Variants in FDX2 observed in about 807,000 individuals in gnomAD.
FDX2 encodes ferredoxin 2, also known as ferredoxin-2, mitochondrial.
A neutral mutation model predicts 18.5 loss-of-function variants in FDX2; 13 were observed. That is an observed-to-expected ratio of 0.70 (90% CI 0.46 to 1.12). The LOEUF (loss-of-function observed/expected upper bound fraction) is 1.12, where lower values mean the gene tolerates loss of function less well. Among genes scored for constraint, FDX2 ranks in the 50% most tolerant of loss-of-function variants. The pLI is 0.00. For missense variants in FDX2, 238 were observed against 250.4 expected (o/e 0.95, Z 0.34); for synonymous variants, 132 against 106.2 (o/e 1.24, Z -1.49).
chr19:10,312,172 A>ATTTTTTTT (rs60538704), intron 3 of FDX2, among the ~76,000 whole-genome samples: 5 of 82,522 alleles, frequency 6.1e-5, no homozygotes, highest in Non-Finnish European at 1.1e-4. Flanking sequence ...ACCTGGCCAT[A>ATTTTTTTT]TTTTTTTTTT....
chr19:10,310,831 T>C, intron 4 of FDX2, 22 bp downstream of exon 4: 1 of 1,610,526 alleles, frequency 6.2e-7, no homozygotes, highest in East Asian at 2.2e-5. Flanking sequence ...AGCTGCCAGC[T>C]AGACAGGGCT....
chr19:10,315,995 ATGACAT>A lies in FDX2; in HGVS notation c.5_10del (p.His2_Met4delinsLeu). ...GCCTCCCCGGGCCATGGAGGCGGCC[ATGACAT>A]GCATCACGTGACTCACCGACTGAGC... On this transcript the variant is annotated inframe_deletion, in exon 1 of 5. Coordinates refer to ENST00000393708, the MANE Select transcript of FDX2 (RefSeq NM_001031734.4). The A allele has an allele frequency of 6.2e-7, 1 of 1,602,468 alleles. No individual in the cohort carries two copies. The highest frequency in any genetic ancestry group is 1.1e-5 in the South Asian group (1 of 89,566).
rs199577076 is a variant in FDX2, at chr19:10,315,680, G to A, written c.209+25C>T. 60 of 1,545,122 alleles carry A rather than the reference G, an allele frequency of 3.9e-5. No homozygotes were observed. The African/African-American group carries it at 7.1e-4, about 18-fold the overall frequency. On this transcript the variant is annotated intron_variant, in intron 2 of 4. Transcript: ENST00000393708. The stretch of plus-strand genomic sequence containing the variant: ...AGAGGAATTCCGTGGGATGAGGAAT[G>A]GGGGACTTGGCCCCCTGCACTCACA...
At position 10,310,272 on chromosome 19, in the gene FDX2, A is replaced by T. The variant is rs2040309085; in HGVS notation, c.*214T>A. On this transcript the variant is annotated 3_prime_UTR_variant, in exon 5 of 5. Coordinates refer to ENST00000393708, the MANE Select transcript of FDX2 (RefSeq NM_001031734.4). The stretch of plus-strand genomic sequence containing the variant: ...TGAGTCCACTCCTACTCAAACCCTG[A>T]TTCTCAGGGGCCTGGGGAAGGCCAC... 4.9e-6 allele frequency: 3 copies of T among 616,838 alleles called. No individual in the cohort carries two copies. The highest frequency in any genetic ancestry group is 3.0e-5 in the Admixed American group (1 of 33,636). The allele number at this position is 616,838 out of a possible 1,614,324, so 38.2% of individuals were successfully genotyped here. A position where few individuals can be genotyped will look rare whatever the true frequency, so the allele number is the denominator to read the frequency against.
Position 10,315,890 on chromosome 19 carries a change from C to G in FDX2, c.116G>C (p.Gly39Ala). ...CTTTCTGGTTGTCCCCAGCGCCACC[C>G]CCTCCCCCGACCCGGAAGTGCCCCC... The change falls in exon 1 of 5, where the codon GGG becomes GCG. Residue 39 changes from glycine to alanine, a missense_variant. Gly to Ala is a moderately conservative substitution (Grantham distance 60, BLOSUM62 0). Transcript: ENST00000393708. 1 of 1,601,310 alleles carries G rather than the reference C, an allele frequency of 6.2e-7. No homozygotes were observed. The highest frequency in any genetic ancestry group is 8.5e-7 in the Non-Finnish European group (1 of 1,175,034).
At chr19:10,313,671 ATTTTTTTTTTTTTTTTTTTTTT>A (rs1198833749) in intron 3 of FDX2, among the ~76,000 whole-genome samples, 1 of 45,396 alleles carries the variant, frequency 2.2e-5, no homozygotes, top group Non-Finnish European at 3.5e-5. Flanking sequence ...ATATATATAT[ATTTTTTTTTTTTTTTTTTTTTT>A]TTTTTTTTTT....
At chr19:10,315,336 TTTG>T in intron 3 of FDX2, 47 bp downstream of exon 3, 6 of 1,064,284 alleles carry the variant, frequency 5.6e-6, no homozygotes, top group East Asian at 2.7e-5. Flanking sequence ...TTTTTTTTTT[TTTG>T]GACAAATGTA....
In FDX2 at chr19:10,315,714, G is replaced by C; in HGVS notation, c.200C>G (p.Pro67Arg). Reference sequence around the variant, plus strand: ...GGCCCCCTGCACTCACACGTCCCCGGGCCGCTCCGGGCCGCCCGCGTCCTC... The same window carrying C: ...GGCCCCCTGCACTCACACGTCCCCGCGCCGCTCCGGGCCGCCCGCGTCCTC... Residue 67 changes from proline (P) to arginine (R), a missense_variant, in exon 2 of 5, where the codon CCC becomes CGC. Coordinates refer to ENST00000393708, the MANE Select transcript of FDX2 (RefSeq NM_001031734.4). The C allele has an allele frequency of 6.4e-7, 1 of 1,551,914 alleles. No individual in the cohort carries two copies. Among genetic ancestry groups the C allele is most frequent in the Non-Finnish European group, 8.7e-7 (1 of 1,148,796 alleles).
intron 3 of FDX2, among the ~76,000 whole-genome samples, chr19:10,314,640 C>T (rs1449229738): frequency 6.6e-6 from 1 of 152,024 alleles, no homozygotes; most frequent in Non-Finnish European, 1.5e-5. Context: ...GGCATGGGTA[C>T]TTCAGCTGGG....
rs781617733 is a variant in FDX2, at chr19:10,310,447, C to T, written c.*39G>A. 6.2e-7 allele frequency: 1 copy of T among 1,613,370 alleles called. No homozygotes were observed. Among genetic ancestry groups the T allele is most frequent in the Non-Finnish European group, 8.5e-7 (1 of 1,179,440 alleles). Reference sequence around the variant, plus strand: ...CCTGGCTATTCCCTCAATCTGGGCCCTGGGGCCATGGCAATGTGGAATGGT... The same window carrying T: ...CCTGGCTATTCCCTCAATCTGGGCCTTGGGGCCATGGCAATGTGGAATGGT... On this transcript the variant is annotated 3_prime_UTR_variant, in exon 5 of 5. Coordinates refer to ENST00000393708, the MANE Select transcript of FDX2 (RefSeq NM_001031734.4).
Position 10,315,319 on chromosome 19 carries a change from G to GTTTTTT in FDX2, c.316+61_316+66dup, listed in dbSNP as rs56213243. ...GTGAAGAGACACACCTAATTTGTGGGTTTTTTTTTTTTTTTTTTTGGACAA... is the reference window on the plus strand; with the variant it reads ...GTGAAGAGACACACCTAATTTGTGGGTTTTTTTTTTTTTTTTTTTTTTTTTGGACAA... On this transcript the variant is annotated intron_variant, in intron 3 of 4. Coordinates refer to ENST00000393708, the MANE Select transcript of FDX2 (RefSeq NM_001031734.4). 7.0e-3 allele frequency: 4,211 copies of GTTTTTT among 597,402 alleles called. 305 individuals are homozygous for GTTTTTT. The highest frequency in any genetic ancestry group is 0.023 in the South Asian group (877 of 38,122). The allele number at this position is 597,402 out of a possible 1,614,324, so 37.0% of individuals were successfully genotyped here. A position where few individuals can be genotyped will look rare whatever the true frequency, so the allele number is the denominator to read the frequency against.
chr19:10,315,199 G>C, intron 3 of FDX2, 187 bp downstream of exon 3: 2 of 560,184 alleles, frequency 3.6e-6, no homozygotes, highest in Non-Finnish European at 6.3e-6. Flanking sequence ...GAGTCCTAGT[G>C]ATCTCTAATA....
At chr19:10,314,569 TG>T (rs1321296085) in intron 3 of FDX2, among the ~76,000 whole-genome samples, 4 of 150,224 alleles carry the variant, frequency 2.7e-5, no homozygotes, top group Admixed American at 6.6e-5. Context: ...CTCCGTCTCT[TG>T]AAAAAAAAAA....
intron 3 of FDX2, 29 bp downstream of exon 3, chr19:10,315,357 C>A: frequency 8.0e-7 from 1 of 1,244,368 alleles, no homozygotes; most frequent in African/African-American, 1.6e-5. Flanking sequence ...GTATAAGGAC[C>A]TCCTTAATTC....
At chr19:10,315,326 T>TC in intron 3 of FDX2, 60 bp downstream of exon 3, 1 of 1,006,798 alleles carries the variant, frequency 9.9e-7, no homozygotes, top group Non-Finnish European at 1.4e-6. Flanking sequence ...TGGGTTTTTT[T>TC]TTTTTTTTTT....
Position 10,315,319 on chromosome 19 carries a change from G to GT in FDX2, c.316+66dup, listed in dbSNP as rs56213243. 0.012 allele frequency: 6,933 copies of GT among 598,800 alleles called. 2 individuals carry two copies. The highest frequency in any genetic ancestry group is 0.037 in the East Asian group (1,042 of 28,138). 37.1% of individuals were successfully genotyped at this position (598,800 alleles called of 1,614,324 possible). On this transcript the variant is annotated intron_variant, in intron 3 of 4. Transcript: ENST00000393708. Reference sequence around the variant, plus strand: ...GTGAAGAGACACACCTAATTTGTGGGTTTTTTTTTTTTTTTTTTTGGACAA... The same window carrying GT: ...GTGAAGAGACACACCTAATTTGTGGGTTTTTTTTTTTTTTTTTTTTGGACAA...
chr19:10,310,599 AG>A lies in FDX2; in HGVS notation c.447del (p.Ser150ArgfsTer9). ...AGCACAATCTGGCAGCCCAGCCGCG[AG>A]TTCTCCTGGAGGAGGGGGGCCATGT... On this transcript the variant is annotated frameshift_variant, in exon 5 of 5. Transcript: ENST00000393708. LOFTEE classifies it high-confidence loss of function. 1 of 1,592,954 alleles carries A rather than the reference AG, an allele frequency of 6.3e-7. No homozygotes were observed.
chr19:10,314,275 T>A (rs430092), intron 3 of FDX2, among the ~76,000 whole-genome samples: 8 of 152,268 alleles, frequency 5.3e-5, no homozygotes, highest in African/African-American at 1.9e-4. Flanking sequence ...TGAGCCACTG[T>A]GCCTGGACAA....
intron 3 of FDX2, among the ~76,000 whole-genome samples, chr19:10,313,595 T>C (rs1371131019): frequency 7.0e-6 from 1 of 142,578 alleles, no homozygotes; most frequent in Non-Finnish European, 1.5e-5. Flanking sequence ...CAGTCTCTAC[T>C]ACTCAAGTTG....
Sources: gnomAD v4.1 joint callset for allele counts (sites outside exome capture counted in the v4.1 genomes callset) on GRCh38, gnomAD v4.1.1 for gene constraint, MANE v1.5 for transcripts, NCBI Gene and HGNC (gene_info 2026-07-23, HGNC 2026-07-21) for gene names.